MECOM: variants seen among roughly 807,000 people sequenced by gnomAD.
MECOM encodes the protein histone-lysine N-methyltransferase MECOM.
Under a neutral mutation model 116.3 loss-of-function variants are expected in MECOM, and 13 were observed. The ratio of observed to expected loss-of-function variants is 0.11; its 90% CI spans 0.07 to 0.18. The LOEUF (loss-of-function observed/expected upper bound fraction) is 0.18, where lower values mean the gene tolerates loss of function less well. Among genes scored for constraint, MECOM ranks in the 10% least tolerant of loss-of-function variants. The probability of loss-of-function intolerance (pLI) is 1.00; values close to 1 mark genes in which losing one functional copy is unlikely to be tolerated. For missense variants in MECOM, 1,299 were observed against 1,509.0 expected (o/e 0.86, Z 2.31); for synonymous variants, 528 against 535.2 (o/e 0.99, Z 0.19).
intron 1 of MECOM, among the ~76,000 whole-genome samples, chr3:169,523,274 C>T (rs1256261785): frequency 2.0e-5 from 3 of 152,122 alleles, no homozygotes; most frequent in Non-Finnish European, 4.4e-5. Context: ...TCTGTCCTCC[C>T]TTCTGGGGCC....
intron 1 of MECOM, among the ~76,000 whole-genome samples, chr3:169,429,850 A>C (rs905939370): frequency 2.6e-5 from 4 of 152,230 alleles, no homozygotes; most frequent in African/African-American, 9.6e-5. Flanking sequence ...GTGCATAAAA[A>C]ATCCTCAACA....
intron 5 of MECOM, 56 bp from the exon 6 acceptor site, chr3:169,122,783 A>T (rs3851380): frequency 0.96 from 1,514,520 of 1,572,958 alleles, 729,324 homozygotes; most frequent in East Asian, 0.99. Context: ...AAACGGAACA[A>T]CATTTTATTG....
chr3:169,209,752 G>T (rs1282833608), intron 2 of MECOM, among the ~76,000 whole-genome samples: 1 of 152,280 alleles, frequency 6.6e-6, no homozygotes, highest in South Asian at 2.1e-4. Flanking sequence ...TTACACTGTT[G>T]GTGGGAATGT....
chr3:169,409,291 G>A (rs973947453), intron 1 of MECOM, among the ~76,000 whole-genome samples: 2 of 152,142 alleles, frequency 1.3e-5, no homozygotes, highest in African/African-American at 4.8e-5. Context: ...AAATCGAATA[G>A]AAATTGCTTC....
chr3:169,094,752 C>T (rs974429293), intron 13 of MECOM, among the ~76,000 whole-genome samples: 1 of 152,180 alleles, frequency 6.6e-6, no homozygotes, highest in South Asian at 2.1e-4. Flanking sequence ...ACATTCTGTG[C>T]CAACAGGTGA....
intron 1 of MECOM, among the ~76,000 whole-genome samples, chr3:169,469,865 A>T (rs1039334484): frequency 1.3e-5 from 2 of 152,222 alleles, no homozygotes; most frequent in Admixed American, 1.3e-4. Flanking sequence ...GGTGCCATAA[A>T]AGATGGTACC....
intron 1 of MECOM, among the ~76,000 whole-genome samples, chr3:169,630,062 A>G (rs1771893476): frequency 1.3e-5 from 2 of 152,170 alleles, no homozygotes; most frequent in African/African-American, 4.8e-5. Flanking sequence ...GCAGATGGAA[A>G]GAGAGTGGCT....
At chr3:169,627,583 C>T (rs1215621016) in intron 1 of MECOM, among the ~76,000 whole-genome samples, 3 of 152,150 alleles carry the variant, frequency 2.0e-5, no homozygotes, top group Non-Finnish European at 2.9e-5. Context: ...GGAAAAAAAT[C>T]AGCATTGCAA....
intron 2 of MECOM, among the ~76,000 whole-genome samples, chr3:169,327,150 TC>T (rs879807087): frequency 7.2e-5 from 11 of 152,186 alleles, no homozygotes; most frequent in Non-Finnish European, 1.5e-4. Flanking sequence ...ATCATAGACA[TC>T]AGCTCATCTG....
chr3:169,412,097 C>T (rs1476414599), intron 1 of MECOM, among the ~76,000 whole-genome samples: 1 of 151,930 alleles, frequency 6.6e-6, no homozygotes, highest in Non-Finnish European at 1.5e-5. Flanking sequence ...ACCAGCCTGA[C>T]CAACATGGCA....
chr3:169,366,062 C>G (rs1729109540), intron 2 of MECOM, among the ~76,000 whole-genome samples: 1 of 152,040 alleles, frequency 6.6e-6, no homozygotes, highest in South Asian at 2.1e-4. Flanking sequence ...CGTTCCTTCT[C>G]TTGCTCTCTG....
In MECOM at chr3:169,090,100, C is replaced by T. The variant is rs753349574; in HGVS notation, c.3301G>A (p.Gly1101Arg). The change falls in exon 15 of 17, where the codon GGA becomes AGA. Residue 1101 changes from glycine (G) to arginine (R), a missense_variant. Gly to Arg is a moderately radical substitution (Grantham distance 125). Around this residue, in one of 6 missense-constraint regions of MECOM, gnomAD observed 273 missense variants for 289.3 expected, o/e 0.94. Coordinates refer to ENST00000651503, the MANE Select transcript of MECOM (RefSeq NM_004991.4). ...DEDNDITGKT[G>R]KEPVTSNLHE... Reference sequence around the variant, plus strand: ...AAATTACTTGTCACTGGTTCCTTTCCTGTTTTTCCAGTAATATCATTGTCT... The same window carrying T: ...AAATTACTTGTCACTGGTTCCTTTCTTGTTTTTCCAGTAATATCATTGTCT... 4 of 1,613,496 alleles carry T rather than the reference C, an allele frequency of 2.5e-6. No homozygotes were observed. The African/African-American group carries it at 4.0e-5, about 16-fold the overall frequency.
intron 1 of MECOM, among the ~76,000 whole-genome samples, chr3:169,496,898 TG>T (rs1053714819): frequency 2.0e-5 from 3 of 152,336 alleles, no homozygotes; most frequent in African/African-American, 4.8e-5. Context: ...AAATTTTCTT[TG>T]GGACCCCCAT....
intron 1 of MECOM, among the ~76,000 whole-genome samples, chr3:169,550,818 T>A (rs1761282183): frequency 7.7e-6 from 1 of 129,252 alleles, no homozygotes. Flanking sequence ...AGGTTCCCTT[T>A]CCTTTTTTTT....
At chr3:169,109,444 C>T (rs1420475073) in intron 9 of MECOM, among the ~76,000 whole-genome samples, 60 of 141,786 alleles carry the variant, frequency 4.2e-4, no homozygotes, top group African/African-American at 1.3e-3. Flanking sequence ...GTTGGACTTT[C>T]ACTCTTGTTG....
intron 1 of MECOM, among the ~76,000 whole-genome samples, chr3:169,390,192 A>G (rs1269417414): frequency 1.3e-5 from 2 of 152,110 alleles, no homozygotes; most frequent in African/African-American, 4.8e-5. Flanking sequence ...GGTCCATTCC[A>G]CTCAAGCAAT....
chr3:169,313,391 G>T (rs1719156443), intron 2 of MECOM, among the ~76,000 whole-genome samples: 2 of 152,232 alleles, frequency 1.3e-5, no homozygotes, highest in Non-Finnish European at 2.9e-5. Flanking sequence ...GAGGATGGAA[G>T]ATAGCACAGT....
intron 2 of MECOM, chr3:169,269,131 T>C (rs573022571): frequency 1.3e-5 from 2 of 152,220 alleles, no homozygotes; most frequent in South Asian, 2.1e-4. Flanking sequence ...TTCCATGTGT[T>C]TACCTTCGTG....
chr3:169,607,397 A>T (rs1240215406), intron 1 of MECOM, among the ~76,000 whole-genome samples: 2 of 152,256 alleles, frequency 1.3e-5, no homozygotes, highest in Non-Finnish European at 2.9e-5. Context: ...TTTGTGTAAG[A>T]AAAAAAGTCA....
Sources: gnomAD v4.1 joint callset for allele counts (sites outside exome capture counted in the v4.1 genomes callset) on GRCh38, gnomAD v4.1.1 for gene constraint, gnomAD v4.1.1 regional missense constraint, MANE v1.5 for transcripts, NCBI Gene and HGNC (gene_info 2026-07-23, HGNC 2026-07-21) for gene names.